Variants in GLI3 observed in about 807,000 individuals in gnomAD.
The protein encoded by GLI3 is GLI family zinc finger 3, also known as transcription activator GLI3.
Under a neutral mutation model 100.8 loss-of-function variants are expected in GLI3, and 20 were observed. That is an observed-to-expected ratio of 0.20 (90% CI 0.14 to 0.29). The LOEUF is 0.29. GLI3 is among the 10% of genes least tolerant of loss of function. The pLI, the probability that GLI3 is intolerant of heterozygous loss-of-function variation, is 1.00. For synonymous variants in GLI3, 938 were observed against 860.5 expected (o/e 1.09, Z -1.58); for missense variants, 2,040 against 2,128.5 (o/e 0.96, Z 0.82).
At chr7:42,072,776 G>A (rs894543155) in intron 4 of GLI3, among the ~76,000 whole-genome samples, 2 of 152,222 alleles carry the variant, frequency 1.3e-5, no homozygotes, top group Non-Finnish European at 2.9e-5. Context: ...ATAAGAGTAT[G>A]TGTGTATAGA....
chr7:42,170,682 G>A (rs538709184), intron 2 of GLI3, among the ~76,000 whole-genome samples: 1 of 152,246 alleles, frequency 6.6e-6, no homozygotes, highest in South Asian at 2.1e-4. Context: ...GATTACAGGT[G>A]TGAGCCACCA....
chr7:42,057,757 T>C (rs1784492304), intron 4 of GLI3, among the ~76,000 whole-genome samples: 1 of 152,226 alleles, frequency 6.6e-6, no homozygotes, highest in Non-Finnish European at 1.5e-5. Context: ...GCCATTATTC[T>C]AGGTGAAGTA....
chr7:42,043,303 G>A (rs1443683354), intron 6 of GLI3, among the ~76,000 whole-genome samples: 1 of 152,168 alleles, frequency 6.6e-6, no homozygotes, highest in African/African-American at 2.4e-5. Flanking sequence ...AGTGCCTTAA[G>A]AACTTTCCAG....
chr7:42,156,078 A>T (rs1786996495), intron 2 of GLI3, among the ~76,000 whole-genome samples: 1 of 152,180 alleles, frequency 6.6e-6, no homozygotes, highest in Non-Finnish European at 1.5e-5. Flanking sequence ...TGCAAGCACA[A>T]ACCCAAGGGT....
At chr7:42,223,054 C>A (rs80216468) in intron 2 of GLI3, 76 bp downstream of exon 2, 15 of 1,553,638 alleles carry the variant, frequency 9.7e-6, no homozygotes, top group Non-Finnish European at 6.2e-6. Context: ...CAGGTGCAAA[C>A]GCTCAATTCA....
At chr7:42,031,995 A>T (rs553301776) in intron 7 of GLI3, among the ~76,000 whole-genome samples, 32 of 152,344 alleles carry the variant, frequency 2.1e-4, no homozygotes, top group Non-Finnish European at 3.2e-4. Context: ...GTGTGATCAA[A>T]GTTTGCAAAC....
chr7:42,090,116 C>T (rs567436522), intron 3 of GLI3, among the ~76,000 whole-genome samples: 6 of 152,166 alleles, frequency 3.9e-5, no homozygotes, highest in African/African-American at 1.4e-4. Context: ...AAAGGTACAG[C>T]AAAAATACAG....
intron 4 of GLI3, among the ~76,000 whole-genome samples, chr7:42,069,767 C>T (rs1784749266): frequency 6.6e-6 from 1 of 152,170 alleles, no homozygotes; most frequent in Non-Finnish European, 1.5e-5. Flanking sequence ...CTCAACTCTG[C>T]CCTTGTATTG....
chr7:41,978,474 A>G (rs1787568395), intron 11 of GLI3, 125 bp downstream of exon 11: 2 of 902,708 alleles, frequency 2.2e-6, no homozygotes, highest in Non-Finnish European at 1.9e-6. Context: ...ATCACCAGAC[A>G]ATACTCTAGT....
At chr7:42,007,862 C>T (rs891492664) in intron 10 of GLI3, among the ~76,000 whole-genome samples, 6 of 151,996 alleles carry the variant, frequency 3.9e-5, no homozygotes, top group African/African-American at 7.3e-5. Context: ...AACAGTATGT[C>T]GGCCTAGTTT....
At chr7:42,231,910 AAGTT>A (rs1474089502) in intron 1 of GLI3, among the ~76,000 whole-genome samples, 3 of 151,388 alleles carry the variant, frequency 2.0e-5, no homozygotes, top group Non-Finnish European at 2.9e-5. Context: ...AAAAAAAAAA[AAGTT>A]AAAGTAGCAA....
intron 3 of GLI3, among the ~76,000 whole-genome samples, chr7:42,120,999 A>G (rs1785984513): frequency 6.6e-6 from 1 of 152,212 alleles, no homozygotes; most frequent in African/African-American, 2.4e-5. Context: ...ACCACCACCA[A>G]AAAGAGATAT....
intron 2 of GLI3, among the ~76,000 whole-genome samples, chr7:42,186,299 C>T (rs1023821777): frequency 6.6e-6 from 1 of 152,296 alleles, no homozygotes; most frequent in East Asian, 1.9e-4. Flanking sequence ...TTAGGTACTG[C>T]GTTTCACCCT....
intron 10 of GLI3, among the ~76,000 whole-genome samples, chr7:42,013,984 CA>C (rs1189080073): frequency 1.3e-5 from 2 of 152,190 alleles, no homozygotes; most frequent in Non-Finnish European, 2.9e-5. Flanking sequence ...GCAGAACATC[CA>C]CATCAGCTGC....
chr7:42,132,336 C>G lies in GLI3; in HGVS notation c.367+15890G>C, dbSNP rs180773637. On this transcript the variant is annotated intron_variant, in intron 3 of 14. Transcript: ENST00000395925. ...AGGATGGTCTCGATCTCCTGACCTC[C>G]TGATCCGCCCGCCTTGACCTCCCAA... Among the ~76,000 whole-genome samples, 1,069 of 151,876 alleles carry G rather than the reference C, an allele frequency of 7.0e-3. 13 individuals carry two copies. The highest frequency in any genetic ancestry group is 0.05 in the East Asian group (257 of 5,134).
intron 2 of GLI3, among the ~76,000 whole-genome samples, chr7:42,165,864 A>G (rs1787230822): frequency 6.6e-6 from 1 of 152,220 alleles, no homozygotes; most frequent in Non-Finnish European, 1.5e-5. Flanking sequence ...ATGAAAATCC[A>G]AAACATTGGG....
chr7:42,253,940 C>A (rs1382795958), intron 1 of GLI3, among the ~76,000 whole-genome samples: 1 of 152,120 alleles, frequency 6.6e-6, no homozygotes, highest in Non-Finnish European at 1.5e-5. Context: ...AAGCAATGGG[C>A]CGGACATGAT....
intron 2 of GLI3, among the ~76,000 whole-genome samples, chr7:42,193,740 A>G (rs1217707283): frequency 6.6e-6 from 1 of 152,188 alleles, no homozygotes; most frequent in Non-Finnish European, 1.5e-5. Context: ...GGCAGTCAGC[A>G]CAGACCCCAT....
chr7:42,168,163 A>G (rs937230511), intron 2 of GLI3, among the ~76,000 whole-genome samples: 1 of 152,250 alleles, frequency 6.6e-6, no homozygotes, highest in Non-Finnish European at 1.5e-5. Context: ...TTAAGCCAAC[A>G]GTCATTATCT....
Sources: allele counts gnomAD v4.1 joint callset (sites outside exome capture counted in the v4.1 genomes callset), GRCh38; gene constraint gnomAD v4.1.1; transcripts MANE v1.5; gene names NCBI Gene and HGNC (gene_info 2026-07-23, HGNC 2026-07-21).